Variants in RBFOX3 observed in about 807,000 individuals in gnomAD.
RBFOX3 encodes RNA binding fox-1 homolog 3.
RBFOX3 carries 17 observed loss-of-function variants against 48.7 expected under a neutral mutation model. That is an observed-to-expected ratio of 0.35 (90% CI 0.24 to 0.52). The LOEUF (loss-of-function observed/expected upper bound fraction) is 0.52. RBFOX3 is among the 20% of genes least tolerant of loss of function. RBFOX3 has a pLI of 0.94. For missense variants in RBFOX3, 382 were observed against 497.5 expected (o/e 0.77, Z 2.21); for synonymous variants, 212 against 209.5 (o/e 1.01, Z -0.10).
intron 4 of RBFOX3, among the ~76,000 whole-genome samples, chr17:79,152,117 A>G (rs4993717): frequency 0.64 from 97,574 of 151,584 alleles, 31,754 homozygotes; most frequent in Non-Finnish European, 0.69. Context: ...GCCAGTCTCA[A>G]CTGGGAGCCT....
intron 2 of RBFOX3, among the ~76,000 whole-genome samples, chr17:79,310,063 G>A (rs1307928968): frequency 1.3e-5 from 2 of 152,136 alleles, no homozygotes; most frequent in African/African-American, 2.4e-5. Context: ...ACCGGAGCAG[G>A]GCCTGGCAAG....
intron 2 of RBFOX3, among the ~76,000 whole-genome samples, chr17:79,316,474 A>T (rs1176161673): frequency 1.3e-5 from 2 of 152,160 alleles, no homozygotes; most frequent in Non-Finnish European, 2.9e-5. Context: ...CCAGCCAGGG[A>T]CTGTTACTCA....
At chr17:79,145,891 A>T (rs989134363) in intron 4 of RBFOX3, among the ~76,000 whole-genome samples, 1 of 152,136 alleles carries the variant, frequency 6.6e-6, no homozygotes, top group Non-Finnish European at 1.5e-5. Flanking sequence ...GTTTCATGGA[A>T]GACAATTTTT....
chr17:79,489,205 C>T (rs1020666449), intron 1 of RBFOX3, among the ~76,000 whole-genome samples: 89 of 132,040 alleles, frequency 6.7e-4, no homozygotes, highest in African/African-American at 2.3e-3. Flanking sequence ...TTGCAGAGAG[C>T]GGAACATTTT....
At chr17:79,380,040 C>T (rs188346147) in intron 2 of RBFOX3, among the ~76,000 whole-genome samples, 1 of 152,186 alleles carries the variant, frequency 6.6e-6, no homozygotes, top group East Asian at 1.9e-4. Flanking sequence ...TCTTTGAGTC[C>T]CTCTGTTAGT....
chr17:79,458,501 A>G (rs2149238102), intron 2 of RBFOX3, among the ~76,000 whole-genome samples: 1 of 152,270 alleles, frequency 6.6e-6, no homozygotes, highest in Non-Finnish European at 1.5e-5. Context: ...GCTCTTTGCC[A>G]TGTTATCACA....
the RBFOX3 span, among the ~76,000 whole-genome samples, chr17:79,656,774 G>GAGAGAGAGAGAGAGACAGAAAGAAAGA: frequency 5.5e-4 from 16 of 29,230 alleles, no homozygotes; most frequent in African/African-American, 1.6e-3. Context: ...AGGAAGGAAG[G>GAGAGAGAGAGAGAGACAGAAAGAAAGA]AAGGAAAGAA....
At chr17:79,250,394 C>T (rs540636590) in intron 3 of RBFOX3, among the ~76,000 whole-genome samples, 41 of 152,166 alleles carry the variant, frequency 2.7e-4, no homozygotes, top group Non-Finnish European at 2.8e-4. Context: ...CGATAAATTG[C>T]GAATGTGTTT....
At chr17:79,180,012 G>A (rs865775778) in intron 4 of RBFOX3, among the ~76,000 whole-genome samples, 4 of 152,228 alleles carry the variant, frequency 2.6e-5, no homozygotes, top group African/African-American at 9.6e-5. Flanking sequence ...GTGGCCCAGG[G>A]TCACCCCTCA....
rs1326783439 is a variant in RBFOX3, at chr17:79,421,927, A to G, written c.-175+60527T>C. Among the ~76,000 whole-genome samples the G allele has an allele frequency of 2.6e-5, 4 of 152,060 alleles. No homozygotes were observed. The highest frequency in any genetic ancestry group is 2.9e-5 in the Non-Finnish European group (2 of 67,988). On this transcript the variant is annotated intron_variant, in intron 2 of 14. Transcript: ENST00000693108. This position sits in a 1 kb window ranked among gnomAD's most constrained non-coding sequence, Gnocchi z 4.5. ...TGCCCGGTCCTCAGCAACTGGCCCC[A>G]TGTTCCACAGGCTCAGCAGCTCCCA...
At position 79,125,110 on chromosome 17, in the gene RBFOX3, G is replaced by A. The variant is rs372397615; in HGVS notation, c.-33-9362C>T. On this transcript the variant is annotated intron_variant, in intron 4 of 14. Transcript: ENST00000693108. ...AAAATAAACTCGTCTCCAATTATCC[G>A]GGAATGAGCGAGCCACCTGCTGCCT... is the stretch of plus-strand genomic sequence containing the variant. 1.1e-4 allele frequency among the ~76,000 whole-genome samples: 16 copies of A among 152,286 alleles called. No homozygotes were observed. The East Asian group carries it at 2.9e-3, about 28-fold the overall frequency.
intron 2 of RBFOX3, among the ~76,000 whole-genome samples, chr17:79,469,304 A>C (rs1359069933): frequency 1.3e-5 from 2 of 152,180 alleles, no homozygotes; most frequent in Non-Finnish European, 2.9e-5. Flanking sequence ...GGGCGGGCTC[A>C]AGTCCAGGTC....
At chr17:79,288,991 G>A (rs1195572129) in intron 3 of RBFOX3, among the ~76,000 whole-genome samples, 1 of 152,158 alleles carries the variant, frequency 6.6e-6, no homozygotes, top group Non-Finnish European at 1.5e-5. Context: ...GAGCCCCAGG[G>A]ACTGGGGTGG....
At chr17:79,658,398 T>C in the RBFOX3 span, among the ~76,000 whole-genome samples, 2 of 85,120 alleles carry the variant, frequency 2.3e-5, no homozygotes, top group African/African-American at 4.6e-5. Context: ...CCCCTCCCTC[T>C]CTCCCTCTCT....
chr17:79,101,413 C>G (rs192676708), intron 9 of RBFOX3, among the ~76,000 whole-genome samples, 171 bp downstream of exon 9: 2 of 152,288 alleles, frequency 1.3e-5, no homozygotes, highest in African/African-American at 4.8e-5. Flanking sequence ...CCCGCCTCTT[C>G]TGCCCCACCC....
chr17:79,274,540 T>C (rs775469040), intron 3 of RBFOX3, among the ~76,000 whole-genome samples: 12 of 152,136 alleles, frequency 7.9e-5, no homozygotes, highest in Non-Finnish European at 1.6e-4. Flanking sequence ...TGGTCCGACC[T>C]CTGTCCTCCC....
intron 3 of RBFOX3, among the ~76,000 whole-genome samples, chr17:79,286,673 G>A (rs185030632): frequency 6.6e-5 from 10 of 152,312 alleles, no homozygotes; most frequent in Admixed American, 6.5e-4. Context: ...CTACTGGGCT[G>A]ATTCCGTGAC....
chr17:79,504,654 TCTC>T (rs1884347978), intron 1 of RBFOX3, among the ~76,000 whole-genome samples: 2 of 152,182 alleles, frequency 1.3e-5, no homozygotes, highest in Non-Finnish European at 2.9e-5. Flanking sequence ...CTGTGTCAAA[TCTC>T]CTTCTGCCTC....
intron 1 of RBFOX3, among the ~76,000 whole-genome samples, chr17:79,517,444 C>CAAAAAAAAAA (rs1231600861): frequency 2.1e-5 from 2 of 94,966 alleles, no homozygotes; most frequent in African/African-American, 8.2e-5. Context: ...GAGTCTGTCT[C>CAAAAAAAAAA]AAAAAAAAAA....
Sources: allele counts gnomAD v4.1 joint callset (sites outside exome capture counted in the v4.1 genomes callset), GRCh38; gene constraint gnomAD v4.1.1; non-coding constraint Gnocchi (gnomAD v3.1); transcripts MANE v1.5; gene names NCBI Gene and HGNC (gene_info 2026-07-23, HGNC 2026-07-21).